Variants in DNAJC15 observed in about 807,000 individuals in gnomAD.
DNAJC15 encodes the protein DnaJ heat shock protein family (Hsp40) member C15.
A neutral mutation model predicts 22.4 loss-of-function variants in DNAJC15; 27 were observed. That is an observed-to-expected ratio of 1.20 (90% CI 0.89 to 1.66). The LOEUF (loss-of-function observed/expected upper bound fraction) is 1.66, where lower values mean the gene tolerates loss of function less well. Among genes scored for constraint, DNAJC15 ranks in the 40% most tolerant of loss-of-function variants. The pLI is 0.00. For synonymous variants in DNAJC15, 79 were observed against 63.2 expected, an observed-to-expected ratio of 1.25 and a Z score of -1.19; for missense variants, 208 against 187.1, an observed-to-expected ratio of 1.11 and a Z score of -0.65.
At chr13:43,052,868 T>G (rs756944493) in intron 1 of DNAJC15, among the ~76,000 whole-genome samples, 46 of 152,264 alleles carry the variant, frequency 3.0e-4, no homozygotes, top group Non-Finnish European at 5.4e-4. Context: ...ATTATTTCTT[T>G]TGCTGTGCAG....
At chr13:43,048,800 A>G (rs1354117437) in intron 1 of DNAJC15, among the ~76,000 whole-genome samples, 2 of 152,236 alleles carry the variant, frequency 1.3e-5, no homozygotes, top group Non-Finnish European at 2.9e-5. Flanking sequence ...AAGTAGAAGT[A>G]TGTGGTACCC....
chr13:43,080,169 C>T (rs1356831791), intron 4 of DNAJC15, among the ~76,000 whole-genome samples: 2 of 151,966 alleles, frequency 1.3e-5, no homozygotes, highest in African/African-American at 2.4e-5. Context: ...ATTATTTTGT[C>T]ACCCAAGTAC....
intron 5 of DNAJC15, among the ~76,000 whole-genome samples, chr13:43,101,386 A>C (rs1481567628): frequency 6.6e-6 from 1 of 152,120 alleles, no homozygotes; most frequent in African/African-American, 2.4e-5. Flanking sequence ...TGGATTGTTT[A>C]ATCCTTTCTC....
intron 1 of DNAJC15, among the ~76,000 whole-genome samples, chr13:43,024,337 G>GT (rs376910976): frequency 0.059 from 5,512 of 93,014 alleles, 487 homozygotes; most frequent in African/African-American, 0.079. Context: ...GTATTTTTAC[G>GT]TTTTTTTTTT....
chr13:43,082,662 G>A (rs148693001), intron 4 of DNAJC15, among the ~76,000 whole-genome samples: 1,678 of 152,194 alleles, frequency 0.011, 29 homozygotes, highest in African/African-American at 0.034. Flanking sequence ...GCGTTGTGGA[G>A]TTTTATGTAC....
intron 1 of DNAJC15, among the ~76,000 whole-genome samples, chr13:43,024,425 G>C (rs1427536593): frequency 7.3e-6 from 1 of 136,820 alleles, no homozygotes; most frequent in Non-Finnish European, 1.5e-5. Flanking sequence ...CTCACTGCAA[G>C]CTCCGCCTCC....
Position 43,082,859 on chromosome 13 carries a change from T to TATATAC in DNAJC15, c.312-2908_312-2907insTATACA, listed in dbSNP as rs1555276534. ...GAACATTCACCTATATATATATATATACACACATATATGTGCGTATGCGTA... is the reference window on the plus strand; with the variant it reads ...GAACATTCACCTATATATATATATATATATACACACACATATATGTGCGTATGCGTA... On this transcript the variant is annotated intron_variant, in intron 4 of 5. Transcript: ENST00000379221. Among the ~76,000 whole-genome samples, 3 of 146,918 alleles carry TATATAC rather than the reference T, an allele frequency of 2.0e-5. No homozygotes were observed. In the South Asian group the frequency reaches 6.7e-4, roughly 33 times the overall value.
intron 5 of DNAJC15, among the ~76,000 whole-genome samples, chr13:43,100,544 A>C (rs1435010683): frequency 6.6e-6 from 1 of 152,062 alleles, no homozygotes; most frequent in Admixed American, 6.6e-5. Flanking sequence ...ATTTATAGCA[A>C]TAAATTTCTC....
At chr13:43,065,762 A>G (rs1254875204) in intron 2 of DNAJC15, 25 bp downstream of exon 2, 1 of 1,607,162 alleles carries the variant, frequency 6.2e-7, no homozygotes, top group Non-Finnish European at 8.5e-7. Flanking sequence ...ACATACCAAT[A>G]AATTGCAGGA....
intron 1 of DNAJC15, among the ~76,000 whole-genome samples, chr13:43,034,614 C>T (rs111337681): frequency 0.062 from 6,925 of 111,526 alleles, 533 homozygotes; most frequent in African/African-American, 0.21. Context: ...CGCACCCAGC[C>T]GAGATTGTCC....
Position 43,107,478 on chromosome 13 carries a change from A to C in DNAJC15, c.*230A>C, listed in dbSNP as rs1241332881. ...GATCTTTTTTCTTATTTTGTTTGTG[A>C]CATTCATACATTTTTAAGATTTTTG... is the stretch of plus-strand genomic sequence containing the variant. On this transcript the variant is annotated 3_prime_UTR_variant, in exon 6 of 6. Transcript: ENST00000379221. 3.3e-6 allele frequency: 1 copy of C among 306,640 alleles called. No homozygotes were observed. Among genetic ancestry groups the C allele is most frequent in the East Asian group, 5.8e-5 (1 of 17,330 alleles). The allele number at this position is 306,640 out of a possible 1,614,324, so 19.0% of individuals were successfully genotyped here. A position where few individuals can be genotyped will look rare whatever the true frequency, so the allele number is the denominator to read the frequency against.
At chr13:43,025,887 G>C (rs2040378553) in intron 1 of DNAJC15, among the ~76,000 whole-genome samples, 1 of 152,202 alleles carries the variant, frequency 6.6e-6, no homozygotes, top group South Asian at 2.1e-4. Context: ...CTGGGCGACA[G>C]AGCGAGACTT....
chr13:43,064,970 GAAAAAA>G (rs34236620), intron 1 of DNAJC15, among the ~76,000 whole-genome samples: 19 of 142,622 alleles, frequency 1.3e-4, no homozygotes, highest in African/African-American at 4.8e-4. Context: ...TGATCATATT[GAAAAAA>G]AAAAAAAAAG....
chr13:43,072,597 T>G (rs1435152427), intron 3 of DNAJC15, among the ~76,000 whole-genome samples: 1 of 151,600 alleles, frequency 6.6e-6, no homozygotes, highest in Non-Finnish European at 1.5e-5. Context: ...TTTTTTTTTT[T>G]GGAGACAGAG....
At chr13:43,051,452 A>G (rs189745173) in intron 1 of DNAJC15, among the ~76,000 whole-genome samples, 2 of 152,220 alleles carry the variant, frequency 1.3e-5, no homozygotes, top group Admixed American at 6.5e-5. Flanking sequence ...AGTCCCCACA[A>G]TCCGTTGTAT....
intron 4 of DNAJC15, among the ~76,000 whole-genome samples, chr13:43,084,257 G>C (rs1013678814): frequency 6.6e-6 from 1 of 152,158 alleles, no homozygotes; most frequent in Non-Finnish European, 1.5e-5. Flanking sequence ...CAAAATGCAG[G>C]AGATATCTAA....
intron 1 of DNAJC15, among the ~76,000 whole-genome samples, chr13:43,034,305 CTTT>C (rs753362468): frequency 0.013 from 756 of 60,330 alleles, no homozygotes; most frequent in African/African-American, 0.052. Flanking sequence ...GAGATTTGTC[CTTT>C]TTTTTTTTTT....
chr13:43,095,279 G>A (rs1361828383), intron 5 of DNAJC15, among the ~76,000 whole-genome samples: 1 of 152,138 alleles, frequency 6.6e-6, no homozygotes, highest in East Asian at 1.9e-4. Flanking sequence ...TGCTTGATTT[G>A]ATACAGGAAA....
chr13:43,031,121 G>A (rs952587434), intron 1 of DNAJC15, among the ~76,000 whole-genome samples: 2 of 152,218 alleles, frequency 1.3e-5, no homozygotes, highest in African/African-American at 2.4e-5. Flanking sequence ...TGCATTATGT[G>A]AGTGATGATT....
Sources: gnomAD v4.1 joint callset for allele counts (sites outside exome capture counted in the v4.1 genomes callset) on GRCh38, gnomAD v4.1.1 for gene constraint, MANE v1.5 for transcripts, NCBI Gene and HGNC (gene_info 2026-07-23, HGNC 2026-07-21) for gene names.